The following EPHA5 variants were observed in gnomAD, a reference collection of about 807,000 sequenced individuals.
EPHA5 encodes the protein EPH receptor A5, also known as ephrin type-A receptor 5.
A neutral mutation model predicts 105.0 loss-of-function variants in EPHA5; 60 were observed. That is an observed-to-expected ratio of 0.57 (90% CI 0.46 to 0.71). EPHA5 has a LOEUF of 0.71. Ranked by LOEUF, EPHA5 falls within the 30% of genes least tolerant of loss-of-function variation. The pLI, the probability that EPHA5 is intolerant of heterozygous loss-of-function variation, is 0.00. For missense variants in EPHA5, 1,218 were observed against 1,274.7 expected (o/e 0.96, Z 0.68); for synonymous variants, 513 against 449.1 (o/e 1.14, Z -1.80).
intron 2 of EPHA5, among the ~76,000 whole-genome samples, chr4:65,623,646 A>G (rs2149479875): frequency 6.6e-6 from 1 of 152,286 alleles, no homozygotes; most frequent in Middle Eastern, 3.4e-3. Flanking sequence ...ATATTCAGAA[A>G]AGCCACTGCA....
intron 13 of EPHA5, 90 bp from the exon 14 acceptor site, chr4:65,348,293 T>G: frequency 1.7e-6 from 2 of 1,194,186 alleles, no homozygotes; most frequent in Non-Finnish European, 2.3e-6. Context: ...TAGACAGAGA[T>G]GTAGCATTTT....
intron 5 of EPHA5, among the ~76,000 whole-genome samples, chr4:65,481,366 AG>A (rs1241581397): frequency 2.0e-5 from 3 of 152,208 alleles, no homozygotes; most frequent in Non-Finnish European, 4.4e-5. Flanking sequence ...CCATTGACTG[AG>A]GAAAAAAGTT....
chr4:65,643,925 A>T (rs1349620625), intron 1 of EPHA5, among the ~76,000 whole-genome samples: 1 of 152,050 alleles, frequency 6.6e-6, no homozygotes, highest in Non-Finnish European at 1.5e-5. Flanking sequence ...TTGTGATATT[A>T]ACAGAAATCT....
intron 3 of EPHA5, among the ~76,000 whole-genome samples, chr4:65,505,806 G>A (rs915586814): frequency 4.6e-5 from 7 of 151,986 alleles, no homozygotes; most frequent in African/African-American, 1.7e-4. Context: ...TTTTGAGAGT[G>A]ATTTAACCAA....
In EPHA5 at chr4:65,505,981, C is replaced by T. The variant is rs112573579; in HGVS notation, c.911-10438G>A. On this transcript the variant is annotated intron_variant, in intron 3 of 16. Coordinates refer to ENST00000613740, the MANE Select transcript of EPHA5 (RefSeq NM_001281766.3). ...CGTCATTTAACATTAGGTATATCTC[C>T]GAATGCTATCCCTCCCTGCTCTGCC... Among the ~76,000 whole-genome samples the T allele has an allele frequency of 9.4e-3, 1,437 of 152,138 alleles. 13 individuals are homozygous for T. Among genetic ancestry groups the T allele is most frequent in the African/African-American group, 0.017 (710 of 41,522 alleles).
At chr4:65,468,855 A>C (rs2149155528) in intron 5 of EPHA5, among the ~76,000 whole-genome samples, 1 of 151,806 alleles carries the variant, frequency 6.6e-6, no homozygotes, top group East Asian at 1.9e-4. Flanking sequence ...GCTAAGATTT[A>C]ATCCCTAAAT....
chr4:65,521,120 C>A (rs1192599769), intron 3 of EPHA5, among the ~76,000 whole-genome samples: 1 of 152,074 alleles, frequency 6.6e-6, no homozygotes, highest in Non-Finnish European at 1.5e-5. Flanking sequence ...GACTGGGAAC[C>A]AACCCAAATG....
intron 3 of EPHA5, among the ~76,000 whole-genome samples, chr4:65,545,677 A>G (rs997387810): frequency 6.6e-6 from 1 of 151,956 alleles, no homozygotes; most frequent in South Asian, 2.1e-4. Context: ...AAAGAGCAAA[A>G]TATTTTGAAC....
At chr4:65,399,189 C>T (rs2349724) in intron 8 of EPHA5, among the ~76,000 whole-genome samples, 121,690 of 152,088 alleles carry the variant, frequency 0.8, 49,096 homozygotes, top group South Asian at 0.92. Context: ...ACATGGTGCC[C>T]ACAGTGAAAG....
At chr4:65,590,203 C>T (rs1391456011) in intron 3 of EPHA5, among the ~76,000 whole-genome samples, 2 of 152,140 alleles carry the variant, frequency 1.3e-5, no homozygotes, top group African/African-American at 4.8e-5. Flanking sequence ...CTTTTATAAA[C>T]TACACCTTTA....
At chr4:65,331,478 G>A (rs1232650475) in intron 16 of EPHA5, 1 of 1,050,248 alleles carries the variant, frequency 9.5e-7, no homozygotes, top group Non-Finnish European at 1.1e-6. Flanking sequence ...AGAATGTAAG[G>A]TGCACCATTT....
At chr4:65,653,740 G>T (rs138635227) in intron 1 of EPHA5, among the ~76,000 whole-genome samples, 12 of 152,052 alleles carry the variant, frequency 7.9e-5, no homozygotes, top group African/African-American at 2.6e-4. Context: ...AAAAATAAAA[G>T]AAATAATGTA....
intron 3 of EPHA5, among the ~76,000 whole-genome samples, chr4:65,505,950 T>C (rs553979344): frequency 1.3e-5 from 2 of 152,230 alleles, no homozygotes; most frequent in South Asian, 4.1e-4. Flanking sequence ...GCTACACCCA[T>C]TGACTCGTCA....
intron 5 of EPHA5, among the ~76,000 whole-genome samples, chr4:65,488,885 A>ATATTT (rs1731134967): frequency 8.5e-6 from 1 of 117,790 alleles, no homozygotes; most frequent in Non-Finnish European, 1.7e-5. Flanking sequence ...AGCTGCATGC[A>ATATTT]TTTTTTTTTT....
chr4:65,475,465 G>A (rs1255997402), intron 5 of EPHA5, among the ~76,000 whole-genome samples: 3 of 151,684 alleles, frequency 2.0e-5, no homozygotes, highest in African/African-American at 7.3e-5. Context: ...TTGCCTCTCT[G>A]GGTTCAGTGT....
chr4:65,609,546 G>A (rs547615484), intron 2 of EPHA5, among the ~76,000 whole-genome samples: 4 of 151,542 alleles, frequency 2.6e-5, no homozygotes, highest in Non-Finnish European at 5.9e-5. Flanking sequence ...TAATCTTTTT[G>A]CAGCAAAATT....
At chr4:65,648,740 A>G (rs1196564140) in intron 1 of EPHA5, among the ~76,000 whole-genome samples, 2 of 152,168 alleles carry the variant, frequency 1.3e-5, no homozygotes, top group African/African-American at 2.4e-5. Flanking sequence ...ATATCAGAAA[A>G]GCTACTGGAT....
chr4:65,651,031 G>C (rs1748563758), intron 1 of EPHA5, among the ~76,000 whole-genome samples: 1 of 152,112 alleles, frequency 6.6e-6, no homozygotes, highest in South Asian at 2.1e-4. Flanking sequence ...TATTGATTCA[G>C]TTCTCTCCAG....
intron 16 of EPHA5, chr4:65,330,637 A>ATAAAATGACAAATGACTTTAATAAAT: frequency 1.7e-6 from 1 of 581,988 alleles, no homozygotes; most frequent in Non-Finnish European, 2.2e-6. Flanking sequence ...TCATTTTAAT[A>ATAAAATGACAAATGACTTTAATAAAT]TAAAATGACA....
Sources: allele counts gnomAD v4.1 joint callset (sites outside exome capture counted in the v4.1 genomes callset), GRCh38; gene constraint gnomAD v4.1.1; transcripts MANE v1.5; gene names NCBI Gene and HGNC (gene_info 2026-07-23, HGNC 2026-07-21).